Variants in EPB41L3 observed in about 807,000 individuals in gnomAD.
The protein encoded by EPB41L3 is erythrocyte membrane protein band 4.1 like 3.
Under a neutral mutation model 127.1 loss-of-function variants are expected in EPB41L3, and 57 were observed. That is an observed-to-expected ratio of 0.45 (90% CI 0.36 to 0.56). The LOEUF (loss-of-function observed/expected upper bound fraction) is 0.56, where lower values mean the gene tolerates loss of function less well. EPB41L3 is among the 20% of genes least tolerant of loss of function. The pLI, the probability that EPB41L3 is intolerant of heterozygous loss-of-function variation, is 0.00. For missense variants in EPB41L3, 1,273 were observed against 1,372.2 expected (o/e 0.93, Z 1.14); for synonymous variants, 572 against 549.5 (o/e 1.04, Z -0.57).
At chr18:5,610,250 A>T in intron 3 of EPB41L3, 2 of 985,412 alleles carry the variant, frequency 2.0e-6, no homozygotes, top group South Asian at 4.7e-5. Flanking sequence ...AAAAAGAGAG[A>T]GAAAAAAATA....
intron 1 of EPB41L3, among the ~76,000 whole-genome samples, chr18:5,617,814 C>G (rs2094815742): frequency 6.6e-6 from 1 of 152,050 alleles, no homozygotes. Context: ...AGTAAGAAAG[C>G]CTAACTATGA....
intron 3 of EPB41L3, among the ~76,000 whole-genome samples, chr18:5,589,537 G>A (rs193176090): frequency 1.1e-3 from 169 of 152,240 alleles, no homozygotes; most frequent in African/African-American, 4.0e-3. Flanking sequence ...GTGTTTAGAT[G>A]AGTCTTTATC....
In EPB41L3 at chr18:5,416,340, G is replaced by C; in HGVS notation, c.1545C>G (p.Pro515=). 6.2e-7 allele frequency: 1 copy of C among 1,613,876 alleles called. No individual in the cohort carries two copies. Among genetic ancestry groups the C allele is most frequent in the Admixed American group, 1.7e-5 (1 of 60,022 alleles). The change falls in exon 13 of 23, where the codon CCC becomes CCG. Residue 515 remains proline, a synonymous_variant. Coordinates refer to ENST00000341928, the MANE Select transcript of EPB41L3 (RefSeq NM_012307.5). ...GLGTDSCPLS[P]PSTHCAPTSP... Reference sequence around the variant, plus strand: ...ATGTGGGGGCACAATGGGTGGATGGGGGTGACAAGGGACATGAGTCAGTGC... The same window carrying C: ...ATGTGGGGGCACAATGGGTGGATGGCGGTGACAAGGGACATGAGTCAGTGC...
intron 1 of EPB41L3, among the ~76,000 whole-genome samples, chr18:5,499,920 C>T: frequency 6.6e-6 from 1 of 151,182 alleles, no homozygotes; most frequent in Non-Finnish European, 1.5e-5. Flanking sequence ...TCCTGTCATT[C>T]TGTCACAGGT....
intron 3 of EPB41L3, among the ~76,000 whole-genome samples, chr18:5,604,540 G>C (rs147462602): frequency 1.9e-4 from 29 of 152,054 alleles, no homozygotes; most frequent in Admixed American, 1.9e-3. Flanking sequence ...TGCAACCTCC[G>C]CCTTCCGAGT....
intron 1 of EPB41L3, chr18:5,529,147 A>G (rs977883958): frequency 2.0e-5 from 3 of 152,216 alleles, no homozygotes; most frequent in Non-Finnish European, 4.4e-5. Context: ...AAAGGGCTGC[A>G]TAAAAGAAAA....
intron 12 of EPB41L3, 34 bp from the exon 13 acceptor site, chr18:5,416,412 A>C: frequency 1.9e-6 from 3 of 1,573,476 alleles, no homozygotes; most frequent in Non-Finnish European, 2.6e-6. Flanking sequence ...GACAGAAAGC[A>C]GCAAACAGAG....
At chr18:5,442,966 G>GTATT (rs1225369484) in intron 5 of EPB41L3, among the ~76,000 whole-genome samples, 4 of 152,156 alleles carry the variant, frequency 2.6e-5, no homozygotes, top group Non-Finnish European at 5.9e-5. Context: ...GAGCTAAGAT[G>GTATT]TATTTATATG....
At chr18:5,576,171 T>C (rs1159241844) in intron 3 of EPB41L3, among the ~76,000 whole-genome samples, 5 of 152,202 alleles carry the variant, frequency 3.3e-5, no homozygotes, top group Non-Finnish European at 7.3e-5. Context: ...TCTAGAATTA[T>C]CGAAAAATTA....
chr18:5,438,933 C>T (rs1188939659), intron 5 of EPB41L3, among the ~76,000 whole-genome samples: 2 of 152,208 alleles, frequency 1.3e-5, no homozygotes, highest in Non-Finnish European at 2.9e-5. Flanking sequence ...ATCTCATTAA[C>T]ACTAACTCTA....
rs778097227 is a variant in EPB41L3, at chr18:5,397,103, T to C, written c.2796A>G (p.Ala932=). The stretch of plus-strand genomic sequence containing the variant: ...CCAAAGTTTCTGAAATGTGGATGGC[T>C]GCACTCTGCTCCTCTTGTCGCTCAC... The part of the protein sequence containing the change: ...ASRERQEEQS[A]AIHISETLEQ... The change falls in exon 18 of 23, where the codon GCA becomes GCG. Residue 932 remains alanine, a synonymous_variant. Transcript: ENST00000341928. This position sits in a 1 kb window ranked among gnomAD's most constrained non-coding sequence, Gnocchi z 4.1. 34 of 1,613,704 alleles carry C rather than the reference T, an allele frequency of 2.1e-5. No individual in the cohort carries two copies. The highest frequency in any genetic ancestry group is 3.3e-5 in the Admixed American group (2 of 59,960).
At chr18:5,566,221 A>G (rs1331046218) in intron 3 of EPB41L3, among the ~76,000 whole-genome samples, 4 of 152,290 alleles carry the variant, frequency 2.6e-5, no homozygotes, top group East Asian at 3.9e-4. Flanking sequence ...AAACCCCATC[A>G]TCTCAGCCCA....
intron 12 of EPB41L3, among the ~76,000 whole-genome samples, chr18:5,417,739 G>T (rs759842519): frequency 6.6e-6 from 1 of 152,144 alleles, no homozygotes; most frequent in African/African-American, 2.4e-5. Context: ...GCCTTTGAAG[G>T]GTCTCTTTTT....
At chr18:5,589,952 T>C (rs1269128542) in intron 3 of EPB41L3, among the ~76,000 whole-genome samples, 1 of 152,236 alleles carries the variant, frequency 6.6e-6, no homozygotes, top group Admixed American at 6.5e-5. Flanking sequence ...TGTTTTGTCC[T>C]TTTCGGGATA....
chr18:5,572,178 T>C (rs2094289358), intron 3 of EPB41L3, among the ~76,000 whole-genome samples: 1 of 152,222 alleles, frequency 6.6e-6, no homozygotes, highest in African/African-American at 2.4e-5. Context: ...AAGAAACTTG[T>C]CTTAGGTTTT....
intron 1 of EPB41L3, among the ~76,000 whole-genome samples, chr18:5,531,083 T>TAA (rs1352159697): frequency 6.6e-6 from 1 of 152,228 alleles, no homozygotes; most frequent in African/African-American, 2.4e-5. Context: ...TCATGCATCT[T>TAA]ACAGTTTGAA....
At chr18:5,441,713 C>T (rs1325226491) in intron 5 of EPB41L3, among the ~76,000 whole-genome samples, 2 of 152,174 alleles carry the variant, frequency 1.3e-5, no homozygotes, top group African/African-American at 2.4e-5. Context: ...ATCCGCCCGT[C>T]TCGGCCTCCC....
chr18:5,507,718 G>T (rs1598434823), intron 1 of EPB41L3, among the ~76,000 whole-genome samples: 1 of 152,068 alleles, frequency 6.6e-6, no homozygotes, highest in Non-Finnish European at 1.5e-5. Context: ...CTCCTGGCTA[G>T]AATTTATTCC....
rs1330798607 is a variant in EPB41L3, at chr18:5,543,325, G to A, written c.-12+588C>T. ...GTGCGGAGCGCACCTTATCGGCCCC[G>A]CGCTGCGCCCGCCCGCGCCTGCACC... On this transcript the variant is annotated intron_variant, in intron 1 of 22. Transcript: ENST00000341928. The surrounding 1 kb of genome is among the most constrained non-coding windows in gnomAD (Gnocchi z 5.2). The A allele has an allele frequency of 1.3e-5, 2 of 149,594 alleles. No individual in the cohort carries two copies. Among genetic ancestry groups the A allele is most frequent in the African/African-American group, 2.4e-5 (1 of 41,154 alleles). The allele number at this position is 149,594 out of a possible 1,614,324, so 9.3% of individuals were successfully genotyped here.
Sources: allele counts gnomAD v4.1 joint callset (sites outside exome capture counted in the v4.1 genomes callset), GRCh38; gene constraint gnomAD v4.1.1; non-coding constraint Gnocchi (gnomAD v3.1); transcripts MANE v1.5; gene names NCBI Gene and HGNC (gene_info 2026-07-23, HGNC 2026-07-21).